MAN1C1: variants seen among roughly 807,000 people sequenced by gnomAD.
The protein encoded by MAN1C1 is mannosyl-oligosaccharide 1,2-alpha-mannosidase IC.
Under a neutral mutation model 71.5 loss-of-function variants are expected in MAN1C1, and 49 were observed. That is an observed-to-expected ratio of 0.69 (90% CI 0.54 to 0.87). The LOEUF is 0.87. Ranked by LOEUF, MAN1C1 falls within the 40% of genes least tolerant of loss-of-function variation. The pLI, the probability that MAN1C1 is intolerant of heterozygous loss-of-function variation, is 0.00. For synonymous variants in MAN1C1, 352 were observed against 343.7 expected (o/e 1.02, Z -0.27); for missense variants, 743 against 835.0 (o/e 0.89, Z 1.36).
At chr1:25,737,755 G>A (rs962751810) in intron 2 of MAN1C1, among the ~76,000 whole-genome samples, 4 of 152,080 alleles carry the variant, frequency 2.6e-5, no homozygotes, top group Admixed American at 1.3e-4. Context: ...GCTCAGGAAC[G>A]TCTTGGGAAA....
intron 2 of MAN1C1, among the ~76,000 whole-genome samples, chr1:25,695,836 G>A (rs1310409148): frequency 1.3e-5 from 2 of 152,254 alleles, no homozygotes; most frequent in Admixed American, 6.5e-5. Flanking sequence ...GAGTGAGCCG[G>A]CCTCCTCTGG....
chr1:25,687,834 C>CA (rs888056590), intron 2 of MAN1C1, among the ~76,000 whole-genome samples: 1,598 of 148,568 alleles, frequency 0.011, 23 homozygotes, highest in African/African-American at 0.036. Flanking sequence ...GCAAATCAGG[C>CA]AAAAAAAAAA....
At chr1:25,633,550 C>A (rs11247897) in intron 1 of MAN1C1, among the ~76,000 whole-genome samples, 2 of 70,464 alleles carry the variant, frequency 2.8e-5, no homozygotes, top group African/African-American at 5.8e-5. Context: ...TTTTTTTTTT[C>A]ACTGTTGTTG....
At chr1:25,620,393 G>A (rs1373698404) in intron 1 of MAN1C1, among the ~76,000 whole-genome samples, 1 of 152,124 alleles carries the variant, frequency 6.6e-6, no homozygotes, top group African/African-American at 2.4e-5. Flanking sequence ...GAAACCTATT[G>A]TCTCTTCAGG....
At chr1:25,751,396 C>G (rs2047214535) in intron 4 of MAN1C1, among the ~76,000 whole-genome samples, 1 of 151,324 alleles carries the variant, frequency 6.6e-6, no homozygotes. Flanking sequence ...TCCCTTCTCT[C>G]TTCAAGGGCA....
At chr1:25,696,808 GC>G (rs2046376212) in intron 2 of MAN1C1, among the ~76,000 whole-genome samples, 1 of 152,042 alleles carries the variant, frequency 6.6e-6, no homozygotes, top group African/African-American at 2.4e-5. Context: ...ACCACGCCTG[GC>G]TAATTTTTTA....
Position 25,626,364 on chromosome 1 carries a change from C to CT in MAN1C1, c.540+8039dup, listed in dbSNP as rs1032347283. ...TTATTTGCTATTTCTTTCTTTCTTTCTTTTTTTTTTTTGAGATGGAGTCTT... is the reference window on the plus strand; with the variant it reads ...TTATTTGCTATTTCTTTCTTTCTTTCTTTTTTTTTTTTTGAGATGGAGTCTT... On this transcript the variant is annotated intron_variant, in intron 1 of 11. Coordinates refer to ENST00000374332, the MANE Select transcript of MAN1C1 (RefSeq NM_020379.4). Among the ~76,000 whole-genome samples the CT allele has an allele frequency of 4.7e-3, 673 of 144,706 alleles. 4 individuals carry two copies. The highest frequency in any genetic ancestry group is 0.014 in the African/African-American group (557 of 39,460). The allele number at this position is 144,706 out of a possible 152,430, so 94.9% of individuals were successfully genotyped here.
At position 25,746,781 on chromosome 1, in the gene MAN1C1, G is replaced by C; in HGVS notation, c.751G>C (p.Val251Leu). Residue 251 changes from valine to leucine, a missense_variant and splice_region_variant, in exon 3 of 12, where the codon GTG (valine) becomes CTG (leucine). Coordinates refer to ENST00000374332, the MANE Select transcript of MAN1C1 (RefSeq NM_020379.4). This position sits in a 1 kb window ranked among gnomAD's most constrained non-coding sequence, Gnocchi z 4.0. ...GGTGGGAGAGAGCTTCCACCTGAAC[G>C]TGGTGAGTCAGAGGCCCTCGGCGGG... ...AWVGESFHLNVSGEASLFEVN... is the reference protein window; with the variant it reads ...AWVGESFHLNLSGEASLFEVN... 3.1e-6 allele frequency: 5 copies of C among 1,591,382 alleles called. No individual in the cohort carries two copies. Among genetic ancestry groups the C allele is most frequent in the Admixed American group, 1.7e-5 (1 of 59,028 alleles).
At chr1:25,651,696 T>C (rs913472565) in intron 1 of MAN1C1, among the ~76,000 whole-genome samples, 3 of 152,202 alleles carry the variant, frequency 2.0e-5, no homozygotes, top group African/African-American at 7.2e-5. Context: ...CGCGGGTCTT[T>C]CTGGCCTGTT....
At chr1:25,653,057 C>T (rs1279520376) in intron 1 of MAN1C1, among the ~76,000 whole-genome samples, 1 of 152,042 alleles carries the variant, frequency 6.6e-6, no homozygotes, top group African/African-American at 2.4e-5. Flanking sequence ...TGAGCCACCA[C>T]ATCCAGCCTG....
chr1:25,670,618 C>T (rs533193648), intron 1 of MAN1C1, among the ~76,000 whole-genome samples: 1 of 152,312 alleles, frequency 6.6e-6, no homozygotes, highest in South Asian at 2.1e-4. Flanking sequence ...CACATGCTGT[C>T]CAGAGGTGCT....
chr1:25,675,512 A>T (rs1002557652), intron 1 of MAN1C1, among the ~76,000 whole-genome samples: 1 of 139,762 alleles, frequency 7.2e-6, no homozygotes, highest in Non-Finnish European at 1.5e-5. Flanking sequence ...TTGGTTTCGT[A>T]TCTTTGCAAT....
intron 2 of MAN1C1, among the ~76,000 whole-genome samples, chr1:25,724,537 C>T (rs956543248): frequency 2.0e-5 from 3 of 151,618 alleles, no homozygotes; most frequent in Non-Finnish European, 4.4e-5. Flanking sequence ...CAAGCCTCTG[C>T]GTGTGTCACA....
At position 25,776,768 on chromosome 1, in the gene MAN1C1, G is replaced by A. The variant is rs376820916; in HGVS notation, c.1258-1337G>A. Among the ~76,000 whole-genome samples, 105 of 152,164 alleles carry A rather than the reference G, an allele frequency of 6.9e-4. 1 individual carries two copies. Among genetic ancestry groups the A allele is most frequent in the African/African-American group, 2.3e-3 (95 of 41,500 alleles). On this transcript the variant is annotated intron_variant, in intron 8 of 11. Transcript: ENST00000374332. The surrounding 1 kb of genome is among the most constrained non-coding windows in gnomAD (Gnocchi z 4.3). ...AGTGAAAAAAGGCCAGTGTAGGTGA[G>A]GTAGGGTGTGAGGAGGGAGGGGCAG...
intron 1 of MAN1C1, among the ~76,000 whole-genome samples, chr1:25,664,287 A>C: frequency 6.7e-6 from 1 of 149,640 alleles, no homozygotes; most frequent in African/African-American, 2.5e-5. Flanking sequence ...TTTAATCCCT[A>C]TTTTTCATAT....
Position 25,735,059 on chromosome 1 carries a change from G to T in MAN1C1, c.638-11609G>T, listed in dbSNP as rs2046962290. 6.6e-6 allele frequency among the ~76,000 whole-genome samples: 1 copy of T among 152,222 alleles called. No individual in the cohort carries two copies. Among genetic ancestry groups the T allele is most frequent in the Non-Finnish European group, 1.5e-5 (1 of 68,036 alleles). On this transcript the variant is annotated intron_variant, in intron 2 of 11. Transcript: ENST00000374332. The surrounding 1 kb of genome is among the most constrained non-coding windows in gnomAD (Gnocchi z 4.6). ...CTTGAAGAAAGGGCTGGAGGCTGGA[G>T]AGAGTGGGCCACATGGAAGCAGTAG...
chr1:25,728,611 G>A (rs981337646), intron 2 of MAN1C1, among the ~76,000 whole-genome samples: 1 of 152,146 alleles, frequency 6.6e-6, no homozygotes, highest in African/African-American at 2.4e-5. Flanking sequence ...GGTGATGGAG[G>A]CGCCATCATC....
intron 1 of MAN1C1, among the ~76,000 whole-genome samples, chr1:25,668,875 A>G (rs1399572092): frequency 1.3e-5 from 2 of 152,148 alleles, no homozygotes; most frequent in African/African-American, 4.8e-5. Flanking sequence ...TCTACTTTTC[A>G]GCTGCTGTGC....
rs1383765140 is a variant in MAN1C1 at position 25,725,140 on chromosome 1, C to A, written c.638-21528C>A. ...AGCACCATTAAAACCCAGCTCTGGT[C>A]AATACCAATGTGGTGTGAAGACAAA... On this transcript the variant is annotated intron_variant, in intron 2 of 11. Coordinates refer to ENST00000374332, the MANE Select transcript of MAN1C1 (RefSeq NM_020379.4). This position sits in a 1 kb window ranked among gnomAD's most constrained non-coding sequence, Gnocchi z 4.8. Among the ~76,000 whole-genome samples, 1 of 152,200 alleles carries A rather than the reference C, an allele frequency of 6.6e-6. No homozygotes were observed. Among genetic ancestry groups the A allele is most frequent in the African/African-American group, 2.4e-5 (1 of 41,444 alleles).
Sources: allele counts gnomAD v4.1 joint callset (sites outside exome capture counted in the v4.1 genomes callset), GRCh38; gene constraint gnomAD v4.1.1; non-coding constraint Gnocchi (gnomAD v3.1); transcripts MANE v1.5; gene names NCBI Gene and HGNC (gene_info 2026-07-23, HGNC 2026-07-21).